EPC2: variants seen among roughly 807,000 people sequenced by gnomAD.
The protein encoded by EPC2 is enhancer of polycomb 2, also known as enhancer of polycomb homolog 2.
In EPC2, 14 loss-of-function variants were observed where a neutral mutation model predicts 92.1. That is an observed-to-expected ratio of 0.15 (90% CI 0.10 to 0.24). EPC2 has a LOEUF of 0.24. EPC2 is among the 10% of genes least tolerant of loss of function. The probability of loss-of-function intolerance (pLI) is 1.00; values close to 1 mark genes in which losing one functional copy is unlikely to be tolerated. For missense variants in EPC2, 755 were observed against 971.5 expected (o/e 0.78, Z 2.96); for synonymous variants, 340 against 334.7 (o/e 1.02, Z -0.17).
At chr2:148,686,780 C>T (rs62184090) in intron 1 of EPC2, among the ~76,000 whole-genome samples, 1 of 152,026 alleles carries the variant, frequency 6.6e-6, no homozygotes, top group African/African-American at 2.4e-5. Context: ...TTTTTTTTCC[C>T]TGAGCAGTAG....
At chr2:148,736,698 C>CT (rs140299360) in intron 2 of EPC2, among the ~76,000 whole-genome samples, 1 of 151,850 alleles carries the variant, frequency 6.6e-6, no homozygotes, top group Non-Finnish European at 1.5e-5. Flanking sequence ...TCCACACTTA[C>CT]TTTTTTTTAA....
At chr2:148,696,228 C>T (rs1013427681) in intron 2 of EPC2, among the ~76,000 whole-genome samples, 4 of 152,144 alleles carry the variant, frequency 2.6e-5, no homozygotes, top group African/African-American at 9.7e-5. Context: ...GTGGGAGGAT[C>T]ACTTGAGTCC....
At chr2:148,774,168 C>T (rs987668280) in intron 10 of EPC2, among the ~76,000 whole-genome samples, 1 of 152,094 alleles carries the variant, frequency 6.6e-6, no homozygotes, top group Admixed American at 6.5e-5. Context: ...GAAATAGAAA[C>T]ATAATGCACT....
intron 1 of EPC2, among the ~76,000 whole-genome samples, chr2:148,654,787 G>C (rs150946674): frequency 1.3e-5 from 2 of 152,266 alleles, no homozygotes; most frequent in East Asian, 3.9e-4. Flanking sequence ...AAAAACTAAA[G>C]ACCTTGAAAA....
chr2:148,754,279 C>CA, intron 4 of EPC2, 146 bp downstream of exon 4: 1 of 710,644 alleles, frequency 1.4e-6, no homozygotes, highest in Non-Finnish European at 2.3e-6. Flanking sequence ...TTCGTCTGAT[C>CA]CGTGGTCAGA....
chr2:148,783,542 A>G lies in EPC2; in HGVS notation c.1858-55A>G, dbSNP rs1332692710. 2.1e-5 allele frequency: 32 copies of G among 1,525,508 alleles called. 1 individual carries two copies. The highest frequency in any genetic ancestry group is 3.9e-5 in the Admixed American group (2 of 51,092). The allele number at this position is 1,525,508 out of a possible 1,614,324, so 94.5% of individuals were successfully genotyped here. On this transcript the variant is annotated intron_variant, in intron 11 of 13. Transcript: ENST00000258484. ...TCTTGGGTTTGCCCCATCCCTTAAT[A>G]TGTTCATAAAATCACATCTAAAAAT... is the stretch of plus-strand genomic sequence containing the variant.
rs78318153 is a variant in EPC2, at chr2:148,744,572, A to G, written c.459+805A>G. Among the ~76,000 whole-genome samples, 1,520 of 152,258 alleles carry G rather than the reference A, an allele frequency of 1.0e-2. 28 individuals are homozygous for G. Among genetic ancestry groups the G allele is most frequent in the East Asian group, 0.081 (420 of 5,192 alleles). On this transcript the variant is annotated intron_variant, in intron 3 of 13. Coordinates refer to ENST00000258484, the MANE Select transcript of EPC2 (RefSeq NM_015630.4). Reference sequence around the variant, plus strand: ...GGTTTGTTTAATCATTTATATTTATACATGTGCATAGAAAGCAAAAGAATA... The same window carrying G: ...GGTTTGTTTAATCATTTATATTTATGCATGTGCATAGAAAGCAAAAGAATA...
At chr2:148,732,120 A>G (rs930424268) in intron 2 of EPC2, among the ~76,000 whole-genome samples, 6 of 152,226 alleles carry the variant, frequency 3.9e-5, no homozygotes, top group Non-Finnish European at 8.8e-5. Flanking sequence ...TTTCCTCACC[A>G]AGGGGAGCTA....
chr2:148,706,879 A>C (rs1192722253), intron 2 of EPC2, among the ~76,000 whole-genome samples: 2 of 152,226 alleles, frequency 1.3e-5, no homozygotes, highest in Non-Finnish European at 2.9e-5. Flanking sequence ...AACCGGTATC[A>C]GCCACTGCAA....
chr2:148,686,510 G>A (rs1265269474), intron 1 of EPC2, among the ~76,000 whole-genome samples: 1 of 152,152 alleles, frequency 6.6e-6, no homozygotes, highest in African/African-American at 2.4e-5. Context: ...TGTTCTTAAT[G>A]ACATCTACAA....
At chr2:148,717,268 C>G (rs1285534561) in intron 2 of EPC2, among the ~76,000 whole-genome samples, 1 of 117,352 alleles carries the variant, frequency 8.5e-6, no homozygotes, top group East Asian at 2.5e-4. Context: ...TTGACTATTT[C>G]TTGTCTACTG....
At chr2:148,774,624 T>TATTTTTTATATATATATATA (rs935978031) in intron 10 of EPC2, among the ~76,000 whole-genome samples, 34 of 132,614 alleles carry the variant, frequency 2.6e-4, no homozygotes, top group African/African-American at 8.0e-4. Flanking sequence ...AAAATATATT[T>TATTTTTTATATATATATATA]TATATATATA....
intron 2 of EPC2, among the ~76,000 whole-genome samples, chr2:148,732,619 G>A (rs1460849956): frequency 6.6e-6 from 1 of 152,044 alleles, no homozygotes; most frequent in African/African-American, 2.4e-5. Flanking sequence ...GATCTCAGGT[G>A]ATCCGCCCAC....
intron 1 of EPC2, among the ~76,000 whole-genome samples, chr2:148,673,674 CT>C (rs1681200812): frequency 6.6e-6 from 1 of 152,166 alleles, no homozygotes; most frequent in Non-Finnish European, 1.5e-5. Flanking sequence ...GCCTCTGCCT[CT>C]TGGGTTCCAG....
intron 3 of EPC2, among the ~76,000 whole-genome samples, chr2:148,750,710 GTT>G (rs1366220229): frequency 2.0e-5 from 3 of 152,016 alleles, no homozygotes; most frequent in Non-Finnish European, 4.4e-5. Context: ...CAGTGTGTTG[GTT>G]TTGAGCTGTG....
intron 11 of EPC2, among the ~76,000 whole-genome samples, chr2:148,782,709 C>T (rs966008511): frequency 2.0e-5 from 3 of 152,048 alleles, no homozygotes; most frequent in Non-Finnish European, 4.4e-5. Flanking sequence ...TTGATTTTAA[C>T]CCCATAAGCT....
At chr2:148,645,269 G>A (rs1211542370) in intron 1 of EPC2, 99 bp downstream of exon 1, 1 of 1,112,578 alleles carries the variant, frequency 9.0e-7, no homozygotes, top group East Asian at 2.7e-5. Flanking sequence ...CTCGCTGGAG[G>A]GCGCCGCTGC....
chr2:148,672,470 T>C (rs1430569121), intron 1 of EPC2, among the ~76,000 whole-genome samples: 1 of 152,182 alleles, frequency 6.6e-6, no homozygotes, highest in Non-Finnish European at 1.5e-5. Context: ...TATAGTGACA[T>C]ACTTTTATTT....
At chr2:148,746,206 A>G (rs1231569555) in intron 3 of EPC2, among the ~76,000 whole-genome samples, 1 of 151,948 alleles carries the variant, frequency 6.6e-6, no homozygotes, top group Non-Finnish European at 1.5e-5. Context: ...ATAATAATGT[A>G]TTACCTTTGG....
Sources: allele counts gnomAD v4.1 joint callset (sites outside exome capture counted in the v4.1 genomes callset), GRCh38; gene constraint gnomAD v4.1.1; transcripts MANE v1.5; gene names NCBI Gene and HGNC (gene_info 2026-07-23, HGNC 2026-07-21).